The following ATXN2 variants were observed in gnomAD, a reference collection of about 807,000 sequenced individuals.
The protein encoded by ATXN2 is ataxin-2.
ATXN2 carries 37 observed loss-of-function variants against 138.6 expected under a neutral mutation model. That is an observed-to-expected ratio of 0.27 (90% confidence interval 0.21 to 0.35). ATXN2 has a LOEUF of 0.35. Among genes scored for constraint, ATXN2 ranks in the 10% least tolerant of loss-of-function variants. The pLI, the probability that ATXN2 is intolerant of heterozygous loss-of-function variation, is 1.00. For missense variants in ATXN2, 1,216 were observed against 1,480.3 expected (o/e 0.82, Z 2.93); for synonymous variants, 549 against 543.7 (o/e 1.01, Z -0.13).
At position 111,577,618 on chromosome 12, in the gene ATXN2, G is replaced by C. The variant is rs577296126; in HGVS notation, c.251+21166C>G. Among the ~76,000 whole-genome samples the C allele has an allele frequency of 1.1e-3, 167 of 152,114 alleles. 2 individuals are homozygous for C. The Middle Eastern group carries it at 0.014, about 12-fold the overall frequency. On this transcript the variant is annotated intron_variant, in intron 1 of 24. Transcript: ENST00000673436. ...ATACAATGATCAACCAGTAAGTTAAGGTAAATTTACTCTTAAAGAAAGATA... is the reference window on the plus strand; with the variant it reads ...ATACAATGATCAACCAGTAAGTTAACGTAAATTTACTCTTAAAGAAAGATA...
At chr12:111,546,447 A>G (rs1881804082) in intron 5 of ATXN2, among the ~76,000 whole-genome samples, 1 of 152,220 alleles carries the variant, frequency 6.6e-6, no homozygotes, top group Non-Finnish European at 1.5e-5. Context: ...GCATGGGCAT[A>G]GCTATGCTAC....
intron 14 of ATXN2, among the ~76,000 whole-genome samples, chr12:111,500,171 C>T (rs902756271): frequency 3.9e-5 from 6 of 152,140 alleles, no homozygotes; most frequent in East Asian, 1.9e-4. Context: ...ATGTTTACTA[C>T]GGCACTATAT....
At chr12:111,539,135 G>A (rs1330048590) in intron 5 of ATXN2, among the ~76,000 whole-genome samples, 2 of 150,200 alleles carry the variant, frequency 1.3e-5, no homozygotes, top group East Asian at 3.9e-4. Context: ...ATTTTAAGTG[G>A]GGAGGAGGAG....
chr12:111,498,088 A>G (rs1214376669), intron 14 of ATXN2, among the ~76,000 whole-genome samples: 2 of 152,142 alleles, frequency 1.3e-5, no homozygotes, highest in African/African-American at 2.4e-5. Flanking sequence ...CAGAAGCCAT[A>G]TATGACAGAC....
chr12:111,496,850 C>G (rs1214573086), intron 14 of ATXN2, among the ~76,000 whole-genome samples: 1 of 148,382 alleles, frequency 6.7e-6, no homozygotes, highest in African/African-American at 2.6e-5. Context: ...AACCTAAAAT[C>G]AGTAGAAGAA....
intron 1 of ATXN2, among the ~76,000 whole-genome samples, chr12:111,595,633 T>C (rs1884900249): frequency 3.5e-5 from 5 of 143,102 alleles, no homozygotes; most frequent in Middle Eastern, 7.0e-3. Context: ...ACACCGAGAC[T>C]CTGTCTCAAA....
At chr12:111,565,987 T>C (rs964106147) in intron 1 of ATXN2, among the ~76,000 whole-genome samples, 33 of 147,992 alleles carry the variant, frequency 2.2e-4, no homozygotes, top group Non-Finnish European at 3.9e-4. Context: ...CAGAGTGAGA[T>C]TCTGTCTCAA....
chr12:111,520,741 T>G (rs1592857267), intron 7 of ATXN2, 141 bp downstream of exon 7: 1 of 558,448 alleles, frequency 1.8e-6, no homozygotes, highest in Non-Finnish European at 3.0e-6. Flanking sequence ...TAATGGAAAT[T>G]TATCACAGTT....
chr12:111,513,573 C>CA, intron 10 of ATXN2, 34 bp from the exon 11 acceptor site: 1 of 1,583,996 alleles, frequency 6.3e-7, no homozygotes, highest in East Asian at 2.3e-5. Flanking sequence ...ACATAAATTC[C>CA]ATGATATTCA....
intron 6 of ATXN2, among the ~76,000 whole-genome samples, chr12:111,522,423 A>G (rs952786433): frequency 6.6e-5 from 10 of 150,824 alleles, no homozygotes; most frequent in African/African-American, 2.4e-4. Context: ...ATGCTGGCTA[A>G]CATGGTGAAA....
intron 8 of ATXN2, 81 bp from the exon 9 acceptor site, chr12:111,518,508 G>C: frequency 7.2e-7 from 1 of 1,384,852 alleles, no homozygotes; most frequent in Non-Finnish European, 9.7e-7. Flanking sequence ...CATCTAGACA[G>C]AAGGGAATGC....
chr12:111,534,629 GTGTT>G (rs1881041852), intron 5 of ATXN2, among the ~76,000 whole-genome samples: 1 of 151,012 alleles, frequency 6.6e-6, no homozygotes, highest in Non-Finnish European at 1.5e-5. Flanking sequence ...GTGAAGATGA[GTGTT>G]TGGTACATGA....
chr12:111,588,376 G>T (rs1043449429), intron 1 of ATXN2, among the ~76,000 whole-genome samples: 3 of 151,972 alleles, frequency 2.0e-5, no homozygotes, highest in African/African-American at 7.2e-5. Flanking sequence ...AAGGTTGCCA[G>T]GCATGGGAGG....
rs544754959 is a variant in ATXN2 at position 111,501,170 on chromosome 12, A to C, written c.1935+8379T>G. On this transcript the variant is annotated intron_variant, in intron 14 of 24. Transcript: ENST00000673436. ...TACCCATAAAAAAATAAAAACCTTT[A>C]AAGTAGACTGCAAAACCAAGGACCA... 2.0e-5 allele frequency among the ~76,000 whole-genome samples: 3 copies of C among 152,348 alleles called. No individual in the cohort carries two copies. In the East Asian group the frequency reaches 5.8e-4, roughly 29 times the overall value.
At chr12:111,581,499 CA>C in intron 1 of ATXN2, 1 of 1,027,528 alleles carries the variant, frequency 9.7e-7, no homozygotes, top group South Asian at 1.3e-5. Flanking sequence ...CCTGCTCCCC[CA>C]ATGTCCACCG....
chr12:111,587,225 G>A (rs755511574), intron 1 of ATXN2, among the ~76,000 whole-genome samples: 15 of 151,962 alleles, frequency 9.9e-5, no homozygotes, highest in Non-Finnish European at 8.8e-5. Context: ...TTATAAACCC[G>A]AAAAGAAAAA....
intron 5 of ATXN2, among the ~76,000 whole-genome samples, chr12:111,537,767 G>A (rs774590706): frequency 5.9e-5 from 9 of 152,026 alleles, no homozygotes; most frequent in Non-Finnish European, 7.4e-5. Context: ...AATGTAAATT[G>A]ATTGTAGTGA....
intron 1 of ATXN2, among the ~76,000 whole-genome samples, chr12:111,572,853 T>A (rs930446947): frequency 6.6e-6 from 1 of 152,162 alleles, no homozygotes; most frequent in African/African-American, 2.4e-5. Context: ...CATACTCTAA[T>A]TTTCCTACAG....
intron 18 of ATXN2, among the ~76,000 whole-genome samples, chr12:111,483,428 G>T (rs1592817526): frequency 1.4e-5 from 2 of 139,366 alleles, no homozygotes; most frequent in African/African-American, 5.5e-5. Context: ...AAACCCTTTA[G>T]CATTTTCCAA....
Sources: gnomAD v4.1 joint callset for allele counts (sites outside exome capture counted in the v4.1 genomes callset) on GRCh38, gnomAD v4.1.1 for gene constraint, MANE v1.5 for transcripts, NCBI Gene and HGNC (gene_info 2026-07-23, HGNC 2026-07-21) for gene names.